SLC24A3: variants seen among roughly 807,000 people sequenced by gnomAD.
SLC24A3 encodes sodium/potassium/calcium exchanger 3.
A neutral mutation model predicts 75.8 loss-of-function variants in SLC24A3; 28 were observed. The observed-to-expected ratio is 0.37, with a 90% confidence interval of 0.27 to 0.51. The LOEUF (loss-of-function observed/expected upper bound fraction) is 0.51. SLC24A3 is among the 20% of genes least tolerant of loss of function. The probability of loss-of-function intolerance (pLI) is 0.94; values close to 1 mark genes in which losing one functional copy is unlikely to be tolerated. For synonymous variants in SLC24A3, 372 were observed against 334.1 expected, an observed-to-expected ratio of 1.11 and a Z score of -1.24; for missense variants, 663 against 847.8, an observed-to-expected ratio of 0.78 and a Z score of 2.71.
At chr20:19,650,243 T>C (rs2032186765) in intron 6 of SLC24A3, among the ~76,000 whole-genome samples, 1 of 152,178 alleles carries the variant, frequency 6.6e-6, no homozygotes, top group Admixed American at 6.5e-5. Flanking sequence ...AATCCAGACA[T>C]TGAAAACTAT....
At chr20:19,685,685 G>A (rs971552652) in intron 12 of SLC24A3, among the ~76,000 whole-genome samples, 1 of 152,182 alleles carries the variant, frequency 6.6e-6, no homozygotes, top group South Asian at 2.1e-4. Flanking sequence ...AATATTGCCA[G>A]GGAAGAAGGC....
At chr20:19,712,473 T>A (rs1346294449) in intron 15 of SLC24A3, among the ~76,000 whole-genome samples, 3 of 152,014 alleles carry the variant, frequency 2.0e-5, no homozygotes, top group African/African-American at 7.2e-5. Flanking sequence ...TATGGCAGGA[T>A]GGGCAGAGTA....
At chr20:19,540,829 C>T (rs1033253798) in intron 3 of SLC24A3, among the ~76,000 whole-genome samples, 62 of 152,230 alleles carry the variant, frequency 4.1e-4, no homozygotes, top group African/African-American at 1.5e-3. Flanking sequence ...ATAGGGCAGC[C>T]TTAGCCCACT....
rs2030722442 is a variant in SLC24A3, at chr20:19,553,028, T to TTCCTCCTTCCC, written c.349-26968_349-26958dup. Among the ~76,000 whole-genome samples the TTCCTCCTTCCC allele has an allele frequency of 5.5e-5, 7 of 128,060 alleles. No homozygotes were observed. The South Asian group carries it at 1.7e-3, about 31-fold the overall frequency. 84.0% of individuals were successfully genotyped at this position (128,060 alleles called of 152,430 possible). A position where few individuals can be genotyped will look rare whatever the true frequency, so the allele number is the denominator to read the frequency against. On this transcript the variant is annotated intron_variant, in intron 3 of 16. Coordinates refer to ENST00000328041, the MANE Select transcript of SLC24A3 (RefSeq NM_020689.4). ...GTTCCCTCCATCCCTCCCTCCTCCCTTCCTCCTTCCCTCCCTCCTTCTTTC... is the reference window on the plus strand; with the variant it reads ...GTTCCCTCCATCCCTCCCTCCTCCCTTCCTCCTTCCCTCCTCCTTCCCTCCCTCCTTCTTTC...
chr20:19,582,815 G>A (rs551789290), intron 4 of SLC24A3, among the ~76,000 whole-genome samples: 13 of 152,302 alleles, frequency 8.5e-5, no homozygotes, highest in African/African-American at 2.2e-4. Flanking sequence ...GAACCAAAGC[G>A]CAGCGAGTGG....
intron 1 of SLC24A3, among the ~76,000 whole-genome samples, chr20:19,278,889 G>A (rs73278923): frequency 0.015 from 2,270 of 152,332 alleles, 68 homozygotes; most frequent in African/African-American, 0.052. Context: ...CAGTTCATGA[G>A]CTACTGATAT....
intron 1 of SLC24A3, among the ~76,000 whole-genome samples, chr20:19,237,439 C>T (rs1982196083): frequency 6.6e-6 from 1 of 152,118 alleles, no homozygotes; most frequent in Admixed American, 6.5e-5. Flanking sequence ...CCTGGTGTGC[C>T]GTCCCTTTCA....
rs551307801 is a variant in SLC24A3 at position 19,695,383 on chromosome 20, G to A, written c.1492-1414G>A. On this transcript the variant is annotated intron_variant, in intron 13 of 16. Coordinates refer to ENST00000328041, the MANE Select transcript of SLC24A3 (RefSeq NM_020689.4). ...GACCTGACAGTTTCAACTCTTGTGA[G>A]TTATCTTCTCCTTGGGCCCACATGC... 1.4e-4 allele frequency: 22 copies of A among 152,318 alleles called. No homozygotes were observed. In the East Asian group the frequency reaches 3.7e-3, roughly 25 times the overall value. 9.4% of individuals were successfully genotyped at this position (152,318 alleles called of 1,614,324 possible).
chr20:19,722,435 C>T lies in SLC24A3; in HGVS notation c.*1295C>T, dbSNP rs2033113950. The T allele has an allele frequency of 6.5e-6, 1 of 152,676 alleles. No homozygotes were observed. The highest frequency in any genetic ancestry group is 1.5e-5 in the Non-Finnish European group (1 of 68,064). 9.5% of individuals were successfully genotyped at this position (152,676 alleles called of 1,614,324 possible). ...TGTTACATGCAGACTCGCTCAAGGG[C>T]ATAAGTTATTGTGAACGTTTTTGCC... is the stretch of plus-strand genomic sequence containing the variant. On this transcript the variant is annotated 3_prime_UTR_variant, in exon 17 of 17. Coordinates refer to ENST00000328041, the MANE Select transcript of SLC24A3 (RefSeq NM_020689.4).
intron 8 of SLC24A3, among the ~76,000 whole-genome samples, chr20:19,672,034 C>T (rs951377004): frequency 2.0e-4 from 31 of 151,930 alleles, no homozygotes; most frequent in African/African-American, 6.8e-4. Context: ...CAGATGCTAC[C>T]AGGAAATCGA....
chr20:19,330,231 T>G (rs6136682), intron 2 of SLC24A3, among the ~76,000 whole-genome samples: 20,790 of 152,082 alleles, frequency 0.14, 3,340 homozygotes, highest in African/African-American at 0.36. Flanking sequence ...GGGCCTCCAA[T>G]CGGTGGGTCT....
intron 9 of SLC24A3, among the ~76,000 whole-genome samples, chr20:19,674,296 C>T (rs1276436116): frequency 1.3e-5 from 2 of 152,210 alleles, no homozygotes; most frequent in Non-Finnish European, 2.9e-5. Context: ...AAAGCACAAA[C>T]ATGTATTATC....
At chr20:19,568,938 G>A (rs79105742) in intron 3 of SLC24A3, among the ~76,000 whole-genome samples, 4,080 of 152,192 alleles carry the variant, frequency 0.027, 87 homozygotes, top group South Asian at 0.088. Flanking sequence ...AGCCCCTCTC[G>A]GAGTTATTGG....
At chr20:19,517,314 C>A (rs2030015018) in intron 3 of SLC24A3, among the ~76,000 whole-genome samples, 1 of 152,184 alleles carries the variant, frequency 6.6e-6, no homozygotes, top group Non-Finnish European at 1.5e-5. Context: ...TGCGTGCTTT[C>A]ATCCTCCTGA....
At chr20:19,311,836 G>A (rs1454344339) in intron 2 of SLC24A3, among the ~76,000 whole-genome samples, 1 of 152,080 alleles carries the variant, frequency 6.6e-6, no homozygotes, top group East Asian at 1.9e-4. Flanking sequence ...CCCAAAGGGT[G>A]GCCTGGAGGA....
intron 8 of SLC24A3, among the ~76,000 whole-genome samples, chr20:19,672,632 C>T (rs533853764): frequency 7.2e-5 from 11 of 152,228 alleles, no homozygotes; most frequent in Middle Eastern, 3.4e-3. Flanking sequence ...TCACTGTGCC[C>T]AGCCTGCATA....
intron 2 of SLC24A3, among the ~76,000 whole-genome samples, chr20:19,490,464 A>G (rs1285795318): frequency 2.0e-5 from 3 of 152,184 alleles, no homozygotes; most frequent in Non-Finnish European, 4.4e-5. Context: ...GATGCCCAGG[A>G]GTTTCCCAAG....
At chr20:19,596,909 C>A (rs919116948) in intron 6 of SLC24A3, among the ~76,000 whole-genome samples, 2 of 152,208 alleles carry the variant, frequency 1.3e-5, no homozygotes, top group Non-Finnish European at 2.9e-5. Flanking sequence ...CTCACACCCC[C>A]TTTCCCCGCC....
chr20:19,412,159 C>G (rs1986753581), intron 2 of SLC24A3, among the ~76,000 whole-genome samples: 1 of 152,192 alleles, frequency 6.6e-6, no homozygotes, highest in Non-Finnish European at 1.5e-5. Context: ...GCAAATTTAT[C>G]TCTCACTATT....
Sources: allele counts gnomAD v4.1 joint callset (sites outside exome capture counted in the v4.1 genomes callset), GRCh38; gene constraint gnomAD v4.1.1; transcripts MANE v1.5; gene names NCBI Gene and HGNC (gene_info 2026-07-23, HGNC 2026-07-21).